PARP3: variants seen among roughly 807,000 people sequenced by gnomAD.
The protein encoded by PARP3 is poly(ADP-ribose) polymerase family member 3.
Under a neutral mutation model 58.2 loss-of-function variants are expected in PARP3, and 46 were observed. The ratio of observed to expected loss-of-function variants is 0.79; its 90% CI spans 0.62 to 1.01. The LOEUF (loss-of-function observed/expected upper bound fraction) is 1.01. Ranked by LOEUF, PARP3 falls within the 50% of genes least tolerant of loss-of-function variation. The pLI is 0.00. For missense variants in PARP3, 663 were observed against 683.9 expected, an observed-to-expected ratio of 0.97 and a Z score of 0.34; for synonymous variants, 252 against 266.4, an observed-to-expected ratio of 0.95 and a Z score of 0.53.
intron 2 of PARP3, among the ~76,000 whole-genome samples, chr3:51,943,797 GGGC>G (rs1240649937): frequency 1.3e-5 from 2 of 152,102 alleles, no homozygotes; most frequent in African/African-American, 4.8e-5. Context: ...TCAGTCTCCT[GGGC>G]GCTTGCCCAT....
chr3:51,946,383 A>G lies in PARP3; in HGVS notation c.1276+40A>G. 2 of 1,513,054 alleles carry G rather than the reference A, an allele frequency of 1.3e-6. No individual in the cohort carries two copies. Among genetic ancestry groups the G allele is most frequent in the East Asian group, 2.3e-5 (1 of 44,156 alleles). The allele number at this position is 1,513,054 out of a possible 1,614,324, so 93.7% of individuals were successfully genotyped here. A position where few individuals can be genotyped will look rare whatever the true frequency, so the allele number is the denominator to read the frequency against. On this transcript the variant is annotated intron_variant, in intron 9 of 10. Coordinates refer to ENST00000398755, the MANE Select transcript of PARP3 (RefSeq NM_001003931.4). The surrounding 1 kb of genome is among the most constrained non-coding windows in gnomAD (Gnocchi z 4.6). ...TGGGCCAAGCCCTGGGAGGGTTGGCACTAAGATGGATTGGGCCCAGTCCTT... is the reference window on the plus strand; with the variant it reads ...TGGGCCAAGCCCTGGGAGGGTTGGCGCTAAGATGGATTGGGCCCAGTCCTT...
rs762213299 is a variant in PARP3 at position 51,945,016 on chromosome 3, TG to T, written c.656del (p.Gly219GlufsTer3). On this transcript the variant is annotated frameshift_variant, in exon 6 of 11. Coordinates refer to ENST00000398755, the MANE Select transcript of PARP3 (RefSeq NM_001003931.4). LOFTEE classifies it high-confidence loss of function. Reference protein sequence around the residue: ...LMDLDVKKMPLGKLSKQQIAR... With the variant: ...LMDLDVKKMPXGKLSKQQIAR... ...CCCCTAGATGTGAAGAAGATGCCCC[TG>T]GGAAAGCTGAGCAAGCAACAGATTG... 5 of 1,613,748 alleles carry T rather than the reference TG, an allele frequency of 3.1e-6. No individual in the cohort carries two copies. The African/African-American group carries it at 4.0e-5, about 13-fold the overall frequency.
At position 51,944,457 on chromosome 3, in the gene PARP3, A is replaced by T. The variant is rs553698927; in HGVS notation, c.380A>T (p.Lys127Met). 1.6e-4 allele frequency: 259 copies of T among 1,614,072 alleles called. 2 individuals carry two copies. In the South Asian group the frequency reaches 2.7e-3, roughly 17 times the overall value. The change falls in exon 4 of 11, where the codon AAG becomes ATG. Residue 127 changes from lysine (K) to methionine (M), a missense_variant. Coordinates refer to ENST00000398755, the MANE Select transcript of PARP3 (RefSeq NM_001003931.4). This position sits in a 1 kb window ranked among gnomAD's most constrained non-coding sequence, Gnocchi z 4.2. ...RLEDAKKDFE[K>M]KFREKTKNNW... ...GAAGATGCAAAGAAGGACTTTGAGAAGAAATTTCGGGAAAAGACCAAGAAC... is the reference window on the plus strand; with the variant it reads ...GAAGATGCAAAGAAGGACTTTGAGATGAAATTTCGGGAAAAGACCAAGAAC...
rs1699739140 is a variant in PARP3 at position 51,948,704 on chromosome 3, C to A, written c.*224C>A. On this transcript the variant is annotated 3_prime_UTR_variant, in exon 11 of 11. Transcript: ENST00000398755. ...TCCCTCTCCTCCCAGCCCATGGTAA[C>A]CAGCATTTGACTCTTTACTTGTATA... 1 of 523,768 alleles carries A rather than the reference C, an allele frequency of 1.9e-6. No homozygotes were observed. Among genetic ancestry groups the A allele is most frequent in the Non-Finnish European group, 3.4e-6 (1 of 297,122 alleles). The allele number at this position is 523,768 out of a possible 1,614,324, so 32.4% of individuals were successfully genotyped here.
Position 51,943,300 on chromosome 3 carries a change from G to A in PARP3, c.-2-54G>A, listed in dbSNP as rs749363259. On this transcript the variant is annotated intron_variant, in intron 1 of 10. Coordinates refer to ENST00000398755, the MANE Select transcript of PARP3 (RefSeq NM_001003931.4). ...CAGGGGTGGGGACTGAGAGTGGGTCGTTGGGGATGAGGAGACCATGGAGGC... is the reference window on the plus strand; with the variant it reads ...CAGGGGTGGGGACTGAGAGTGGGTCATTGGGGATGAGGAGACCATGGAGGC... 638 of 1,474,286 alleles carry A rather than the reference G, an allele frequency of 4.3e-4. 2 individuals are homozygous for A. Among genetic ancestry groups the A allele is most frequent in the Non-Finnish European group, 2.6e-4 (290 of 1,100,154 alleles). The allele number at this position is 1,474,286 out of a possible 1,614,324, so 91.3% of individuals were successfully genotyped here. A position where few individuals can be genotyped will look rare whatever the true frequency, so the allele number is the denominator to read the frequency against.
intron 7 of PARP3, 39 bp downstream of exon 7, chr3:51,945,683 G>C (rs1699660335): frequency 6.2e-7 from 1 of 1,608,098 alleles, no homozygotes. Flanking sequence ...CTATCAGTGG[G>C]CACTGTCCCT....
At chr3:51,947,965 G>A in intron 10 of PARP3, 70 bp downstream of exon 10, 1 of 1,484,556 alleles carries the variant, frequency 6.7e-7, no homozygotes, top group Admixed American at 1.9e-5. Context: ...ACATTTTCAG[G>A]GAGGGGGCTG....
intron 2 of PARP3, 116 bp downstream of exon 2, chr3:51,943,654 G>T (rs144568966): frequency 1.0e-6 from 1 of 956,532 alleles, no homozygotes. Context: ...CCAGGTAAGC[G>T]CCAGAGCAAG....
chr3:51,946,379 T>G lies in PARP3; in HGVS notation c.1276+36T>G. On this transcript the variant is annotated intron_variant, in intron 9 of 10. Coordinates refer to ENST00000398755, the MANE Select transcript of PARP3 (RefSeq NM_001003931.4). The surrounding 1 kb of genome is among the most constrained non-coding windows in gnomAD (Gnocchi z 4.6). ...CCTCTGGGCCAAGCCCTGGGAGGGT[T>G]GGCACTAAGATGGATTGGGCCCAGT... 6.5e-7 allele frequency: 1 copy of G among 1,544,326 alleles called. No homozygotes were observed. Among genetic ancestry groups the G allele is most frequent in the Non-Finnish European group, 8.8e-7 (1 of 1,140,290 alleles).
At chr3:51,947,570 A>G in intron 9 of PARP3, 170 bp from the exon 10 acceptor site, 1 of 667,206 alleles carries the variant, frequency 1.5e-6, no homozygotes, top group Non-Finnish European at 2.6e-6. Flanking sequence ...GAGCACAGTG[A>G]GGTGGGAGGG....
chr3:51,943,618 T>G, intron 2 of PARP3, 80 bp downstream of exon 2: 2 of 1,377,964 alleles, frequency 1.5e-6, no homozygotes, highest in Non-Finnish European at 2.0e-6. Flanking sequence ...CTTAGGACTC[T>G]GTTCTGGTTT....
rs201259517 is a variant in PARP3 at position 51,946,160 on chromosome 3, A to C, written c.1099-6A>C. The C allele has an allele frequency of 4.6e-5, 73 of 1,584,072 alleles. No individual in the cohort carries two copies. Among genetic ancestry groups the C allele is most frequent in the Non-Finnish European group, 6.0e-5 (70 of 1,163,368 alleles). On this transcript the variant is annotated splice_polypyrimidine_tract_variant and splice_region_variant and intron_variant, in intron 8 of 10. Transcript: ENST00000398755. The surrounding 1 kb of genome is among the most constrained non-coding windows in gnomAD (Gnocchi z 4.6). ...CACTCCCATTTCTCACTTCCTCTCC[A>C]CTCAGGAAGACAGATTCCAGGCCCA... is the stretch of plus-strand genomic sequence containing the variant.
In PARP3 at chr3:51,948,517, A is replaced by ACCC; in HGVS notation, c.*38_*39insCCC. ...GTCCCCCGGGGTCCTGCAAGGCTGG[A>ACCC]CTGTGATCTTCAATCATCCTGCCCA... On this transcript the variant is annotated 3_prime_UTR_variant, in exon 11 of 11. Transcript: ENST00000398755. The ACCC allele has an allele frequency of 1.3e-6, 2 of 1,592,790 alleles. No individual in the cohort carries two copies. The highest frequency in any genetic ancestry group is 1.7e-6 in the Non-Finnish European group (2 of 1,162,918).
At chr3:51,943,622 C>G in intron 2 of PARP3, 84 bp downstream of exon 2, 1 of 1,347,204 alleles carries the variant, frequency 7.4e-7, no homozygotes, top group Non-Finnish European at 1.0e-6. Context: ...GGACTCTGTT[C>G]TGGTTTTGGA....
In PARP3 at chr3:51,945,076, A is replaced by T; in HGVS notation, c.713A>T (p.Glu238Val). 6.2e-7 allele frequency: 1 copy of T among 1,614,152 alleles called. No individual in the cohort carries two copies. Among genetic ancestry groups the T allele is most frequent in the South Asian group, 1.1e-5 (1 of 91,086 alleles). Reference sequence around the variant, plus strand: ...TTCGAGGCCTTGGAGGCGCTGGAGGAGGCCCTGAAAGGCCCCACGGATGGT... The same window carrying T: ...TTCGAGGCCTTGGAGGCGCTGGAGGTGGCCCTGAAAGGCCCCACGGATGGT... ...RGFEALEALE[E>V]ALKGPTDGGQ... Residue 238 changes from glutamate (E) to valine (V), a missense_variant, in exon 6 of 11, where the codon GAG becomes GTG. Physicochemically the swap from Glu to Val is moderately radical, Grantham distance 121 (BLOSUM62 -2). This residue lies in a region of PARP3 where 567 missense variants were observed against 553.6 expected (regional missense o/e 1.02). Transcript: ENST00000398755.
At position 51,942,420 on chromosome 3, in the gene PARP3, C is replaced by A. The variant is rs1441220032; in HGVS notation, c.-291C>A. ...CCGGCCACATGAGCAGCGCTACGGACGCGACTGCCCCGGCCTTGGATATGC... is the reference window on the plus strand; with the variant it reads ...CCGGCCACATGAGCAGCGCTACGGAAGCGACTGCCCCGGCCTTGGATATGC... On this transcript the variant is annotated 5_prime_UTR_variant, in exon 1 of 11. Coordinates refer to ENST00000398755, the MANE Select transcript of PARP3 (RefSeq NM_001003931.4). 1.7e-6 allele frequency: 1 copy of A among 576,526 alleles called. No homozygotes were observed. The highest frequency in any genetic ancestry group is 3.1e-6 in the Non-Finnish European group (1 of 318,824). The allele number at this position is 576,526 out of a possible 1,614,324, so 35.7% of individuals were successfully genotyped here.
At chr3:51,943,181 C>CT in intron 1 of PARP3, 173 bp from the exon 2 acceptor site, 1 of 925,340 alleles carries the variant, frequency 1.1e-6, no homozygotes, top group South Asian at 1.8e-5. Context: ...TGGTCTGGGG[C>CT]TGGGAATGCC....
chr3:51,944,842 C>T lies in PARP3; in HGVS notation c.566C>T (p.Thr189Met), dbSNP rs1699633786. 7 of 1,613,944 alleles carry T rather than the reference C, an allele frequency of 4.3e-6. No individual in the cohort carries two copies. Among genetic ancestry groups the T allele is most frequent in the Non-Finnish European group, 5.1e-6 (6 of 1,179,998 alleles). Residue 189 changes from threonine to methionine, a missense_variant, in exon 5 of 11, where the codon ACG becomes ATG. Around this residue, in one of 3 missense-constraint regions of PARP3, gnomAD observed 567 missense variants for 553.6 expected, o/e 1.02. Coordinates refer to ENST00000398755, the MANE Select transcript of PARP3 (RefSeq NM_001003931.4). The surrounding 1 kb of genome is among the most constrained non-coding windows in gnomAD (Gnocchi z 4.2). ...CAGCCCTGCTCCCTGGACCCAGCCA[C>T]GCAGAAGCTCATCACTAACATCTTC... is the stretch of plus-strand genomic sequence containing the variant. ...RVQPCSLDPA[T>M]QKLITNIFSK...
rs1410077729 is a variant in PARP3 at position 51,948,610 on chromosome 3, A to G, written c.*130A>G. 1 of 809,480 alleles carries G rather than the reference A, an allele frequency of 1.2e-6. No individual in the cohort carries two copies. The highest frequency in any genetic ancestry group is 1.9e-6 in the Non-Finnish European group (1 of 519,906). The allele number at this position is 809,480 out of a possible 1,614,324, so 50.1% of individuals were successfully genotyped here. On this transcript the variant is annotated 3_prime_UTR_variant, in exon 11 of 11. Coordinates refer to ENST00000398755, the MANE Select transcript of PARP3 (RefSeq NM_001003931.4). ...TACGTTGTTGTTAACTATAGTCACC[A>G]TGCTGTACAAGATCCCTGAACTTAT... is the stretch of plus-strand genomic sequence containing the variant.
Sources: allele counts gnomAD v4.1 joint callset (sites outside exome capture counted in the v4.1 genomes callset), GRCh38; gene constraint gnomAD v4.1.1; regional missense constraint gnomAD v4.1.1; non-coding constraint Gnocchi (gnomAD v3.1); transcripts MANE v1.5; gene names NCBI Gene and HGNC (gene_info 2026-07-23, HGNC 2026-07-21).